Variants in PDZRN4 observed in about 807,000 individuals in gnomAD.
PDZRN4 encodes PDZ domain containing ring finger 4, also known as PDZ domain-containing RING finger protein 4.
PDZRN4 carries 70 observed loss-of-function variants against 99.0 expected under a neutral mutation model. The observed-to-expected ratio is 0.71, with a 90% CI of 0.58 to 0.86. The LOEUF (loss-of-function observed/expected upper bound fraction) is 0.86, where lower values mean the gene tolerates loss of function less well. Among genes scored for constraint, PDZRN4 ranks in the 40% least tolerant of loss-of-function variants. The pLI is 0.00. For missense variants in PDZRN4, 1,474 were observed against 1,331.2 expected, an observed-to-expected ratio of 1.11 and a Z score of -1.67; for synonymous variants, 551 against 501.6, an observed-to-expected ratio of 1.10 and a Z score of -1.32.
intron 3 of PDZRN4, among the ~76,000 whole-genome samples, chr12:41,385,542 C>T (rs1952163068): frequency 6.6e-6 from 1 of 152,130 alleles, no homozygotes; most frequent in African/African-American, 2.4e-5. Flanking sequence ...ATTATAAATG[C>T]CTCTATGCAT....
intron 3 of PDZRN4, among the ~76,000 whole-genome samples, chr12:41,259,306 A>G (rs182542442): frequency 2.0e-5 from 3 of 152,218 alleles, no homozygotes; most frequent in East Asian, 3.9e-4. Context: ...AGACACTCAT[A>G]AAAATAGACA....
intron 3 of PDZRN4, among the ~76,000 whole-genome samples, chr12:41,325,366 T>C (rs1457097554): frequency 6.6e-6 from 1 of 152,246 alleles, no homozygotes; most frequent in African/African-American, 2.4e-5. Context: ...TGAACCAAGA[T>C]TCATTTGTAT....
intron 3 of PDZRN4, among the ~76,000 whole-genome samples, chr12:41,488,890 T>C (rs377287913): frequency 1.3e-5 from 2 of 152,272 alleles, no homozygotes; most frequent in Admixed American, 6.5e-5. Context: ...TCAATCTTAA[T>C]GGAGTAAATT....
At chr12:41,343,643 G>A (rs1174226573) in intron 3 of PDZRN4, among the ~76,000 whole-genome samples, 1 of 151,912 alleles carries the variant, frequency 6.6e-6, no homozygotes, top group Non-Finnish European at 1.5e-5. Context: ...AATTAGATAG[G>A]AGGAATAAGT....
chr12:41,531,237 G>A (rs1013359261), intron 5 of PDZRN4, among the ~76,000 whole-genome samples: 3 of 152,122 alleles, frequency 2.0e-5, no homozygotes, highest in African/African-American at 4.8e-5. Flanking sequence ...GGAGATGAGG[G>A]AGCCAGAAGG....
At chr12:41,226,743 G>A (rs1365105575) in intron 3 of PDZRN4, among the ~76,000 whole-genome samples, 1 of 152,110 alleles carries the variant, frequency 6.6e-6, no homozygotes, top group East Asian at 1.9e-4. Context: ...CACCTGCCAT[G>A]CATTCTGGTA....
intron 3 of PDZRN4, among the ~76,000 whole-genome samples, chr12:41,502,934 C>T (rs74077803): frequency 0.011 from 1,622 of 152,050 alleles, 32 homozygotes; most frequent in African/African-American, 0.038. Flanking sequence ...CAAACTTCTC[C>T]TAGAGGGTTA....
intron 1 of PDZRN4, among the ~76,000 whole-genome samples, chr12:41,189,826 G>A (rs541228215): frequency 3.3e-5 from 5 of 152,152 alleles, no homozygotes; most frequent in African/African-American, 1.2e-4. Context: ...GGGAAGTCCA[G>A]TCCGAGAACC....
At position 41,505,815 on chromosome 12, in the gene PDZRN4, T is replaced by A. The variant is rs116044981; in HGVS notation, c.844-641T>A. On this transcript the variant is annotated intron_variant, in intron 3 of 9. Transcript: ENST00000402685. Reference sequence around the variant, plus strand: ...AGAGCATTGCTTCTTTCAGTGAATATAAATATAAAGCCGGAATCTTGTGAG... The same window carrying A: ...AGAGCATTGCTTCTTTCAGTGAATAAAAATATAAAGCCGGAATCTTGTGAG... Among the ~76,000 whole-genome samples, 928 of 149,798 alleles carry A rather than the reference T, an allele frequency of 6.2e-3. 9 individuals carry two copies. Among genetic ancestry groups the A allele is most frequent in the African/African-American group, 0.021 (876 of 41,216 alleles).
In PDZRN4 at chr12:41,460,817, A is replaced by G. The variant is rs79289936; in HGVS notation, c.844-45639A>G. Among the ~76,000 whole-genome samples the G allele has an allele frequency of 5.3e-3, 808 of 152,318 alleles. 43 individuals are homozygous for G. The East Asian group carries it at 0.12, about 24-fold the overall frequency. ...AGTTATGTCTTGCTGTAAAATGCAC[A>G]TATAACTCTAGATGAATAAGTTCAT... On this transcript the variant is annotated intron_variant, in intron 3 of 9. Coordinates refer to ENST00000402685, the MANE Select transcript of PDZRN4 (RefSeq NM_001164595.2).
chr12:41,394,288 T>C (rs1952230517), intron 3 of PDZRN4, among the ~76,000 whole-genome samples: 1 of 152,138 alleles, frequency 6.6e-6, no homozygotes, highest in South Asian at 2.1e-4. Context: ...AGGATTTCAG[T>C]ATATGAATCT....
At chr12:41,238,954 A>G (rs552936049) in intron 3 of PDZRN4, among the ~76,000 whole-genome samples, 17 of 152,304 alleles carry the variant, frequency 1.1e-4, no homozygotes, top group Middle Eastern at 3.4e-3. Context: ...CAGCAATCCT[A>G]TTACTGAGTA....
intron 3 of PDZRN4, among the ~76,000 whole-genome samples, chr12:41,470,748 G>A (rs1952981006): frequency 6.6e-6 from 1 of 151,960 alleles, no homozygotes; most frequent in Admixed American, 6.6e-5. Flanking sequence ...TAAAAGTCCT[G>A]ACCAGAAATG....
At chr12:41,482,251 T>C (rs1168069923) in intron 3 of PDZRN4, among the ~76,000 whole-genome samples, 1 of 152,164 alleles carries the variant, frequency 6.6e-6, no homozygotes, top group Non-Finnish European at 1.5e-5. Flanking sequence ...GTCATCTCTC[T>C]CTGATATCAA....
At chr12:41,296,028 A>T (rs1951491539) in intron 3 of PDZRN4, among the ~76,000 whole-genome samples, 1 of 152,146 alleles carries the variant, frequency 6.6e-6, no homozygotes, top group Admixed American at 6.5e-5. Flanking sequence ...ATTGAAAAGG[A>T]TCTATGGTTA....
At chr12:41,476,984 G>C (rs948463726) in intron 3 of PDZRN4, among the ~76,000 whole-genome samples, 9 of 152,198 alleles carry the variant, frequency 5.9e-5, no homozygotes, top group Non-Finnish European at 1.3e-4. Context: ...AGGCTATTTA[G>C]TGAAGATCTG....
In PDZRN4 at chr12:41,194,165, G is replaced by T; in HGVS notation, c.820G>T (p.Glu274Ter). Residue 274 changes from glutamate to a stop codon, truncating the protein, a stop_gained, in exon 3 of 10, where the codon GAG (glutamate) becomes TAG (stop). Transcript: ENST00000402685. LOFTEE classifies it high-confidence loss of function. ...ACCTGCTGACAGAGCAGATGGCCTG[G>T]AGATTCATGACAAAATCATGGAGGT... Reference protein sequence around the residue: ...NGPADRADGLEIHDKIMEVNG... With the variant: ...NGPADRADGL 1 of 1,519,788 alleles carries T rather than the reference G, an allele frequency of 6.6e-7. No individual in the cohort carries two copies. The highest frequency in any genetic ancestry group is 9.0e-7 in the Non-Finnish European group (1 of 1,107,468). The allele number at this position is 1,519,788 out of a possible 1,614,324, so 94.1% of individuals were successfully genotyped here. A position where few individuals can be genotyped will look rare whatever the true frequency, so the allele number is the denominator to read the frequency against.
At chr12:41,397,934 TA>T (rs1388864619) in intron 3 of PDZRN4, among the ~76,000 whole-genome samples, 2 of 151,772 alleles carry the variant, frequency 1.3e-5, no homozygotes, top group Non-Finnish European at 2.9e-5. Flanking sequence ...TAACATGGTT[TA>T]AAAAAAATAG....
At chr12:41,309,131 C>T (rs115212334) in intron 3 of PDZRN4, among the ~76,000 whole-genome samples, 7 of 152,216 alleles carry the variant, frequency 4.6e-5, no homozygotes, top group African/African-American at 1.7e-4. Context: ...GTTTCATATA[C>T]TTTCAGTAGG....
Sources: allele counts gnomAD v4.1 joint callset (sites outside exome capture counted in the v4.1 genomes callset), GRCh38; gene constraint gnomAD v4.1.1; transcripts MANE v1.5; gene names NCBI Gene and HGNC (gene_info 2026-07-23, HGNC 2026-07-21).